The following COL6A6 variants were observed in gnomAD, a reference collection of about 807,000 sequenced individuals.
COL6A6 encodes the protein collagen type VI alpha 6 chain, also known as collagen alpha-6(VI) chain.
A neutral mutation model predicts 208.6 loss-of-function variants in COL6A6; 183 were observed. That is an observed-to-expected ratio of 0.88 (90% CI 0.78 to 0.99). The LOEUF (loss-of-function observed/expected upper bound fraction) is 0.99. Ranked by LOEUF, COL6A6 falls within the 50% of genes least tolerant of loss-of-function variation. The pLI, the probability that COL6A6 is intolerant of heterozygous loss-of-function variation, is 0.00. For synonymous variants in COL6A6, 973 were observed against 1,011.8 expected, an observed-to-expected ratio of 0.96 and a Z score of 0.73; for missense variants, 2,816 against 2,815.2, an observed-to-expected ratio of 1.00 and a Z score of -0.01.
chr3:130,582,151 C>A, intron 10 of COL6A6, 83 bp downstream of exon 10: 5 of 879,814 alleles, frequency 5.7e-6, no homozygotes, highest in Non-Finnish European at 8.7e-6. Flanking sequence ...AATTTCCAGG[C>A]TCTTAAATTT....
chr3:130,556,333 T>C (rs931933347), intron 1 of COL6A6, among the ~76,000 whole-genome samples: 2 of 152,228 alleles, frequency 1.3e-5, no homozygotes, highest in African/African-American at 2.4e-5. Context: ...TTGATTTATA[T>C]ATCAGGATTA....
chr3:130,651,632 T>G (rs534341527), intron 33 of COL6A6, among the ~76,000 whole-genome samples: 2 of 152,038 alleles, frequency 1.3e-5, no homozygotes, highest in Non-Finnish European at 2.9e-5. Context: ...GGAAATGCAA[T>G]AAAGTAGAAA....
intron 35 of COL6A6, among the ~76,000 whole-genome samples, chr3:130,663,909 C>T (rs893161377): frequency 6.6e-6 from 1 of 152,194 alleles, no homozygotes; most frequent in Non-Finnish European, 1.5e-5. Flanking sequence ...TCAAGAAAGA[C>T]TTTGCATAAT....
At position 130,673,199 on chromosome 3, in the gene COL6A6, C is replaced by CA. The variant is rs1204610705; in HGVS notation, c.6597-1995dup. The stretch of plus-strand genomic sequence containing the variant: ...ATCTCAAAAAAAAAAAACAAAAAAA[C>CA]AAAAAAAACAAAAAAAACAAAAAAA... On this transcript the variant is annotated intron_variant, in intron 36 of 36. Coordinates refer to ENST00000358511, the MANE Select transcript of COL6A6 (RefSeq NM_001102608.3). 6.6e-4 allele frequency among the ~76,000 whole-genome samples: 60 copies of CA among 90,348 alleles called. 1 individual carries two copies. Among genetic ancestry groups the CA allele is most frequent in the African/African-American group, 2.3e-3 (35 of 15,408 alleles). 59.3% of individuals were successfully genotyped at this position (90,348 alleles called of 152,430 possible). A position where few individuals can be genotyped will look rare whatever the true frequency, so the allele number is the denominator to read the frequency against.
chr3:130,524,638 CTTTA>C (rs948792012), intron 1 of COL6A6, among the ~76,000 whole-genome samples: 2 of 152,112 alleles, frequency 1.3e-5, no homozygotes, highest in Admixed American at 6.5e-5. Flanking sequence ...GCATGAAGGA[CTTTA>C]TTTATCTGTT....
chr3:130,611,520 C>T (rs1470456713), intron 23 of COL6A6, among the ~76,000 whole-genome samples: 1 of 152,222 alleles, frequency 6.6e-6, no homozygotes, highest in East Asian at 1.9e-4. Flanking sequence ...TTATTACACT[C>T]TATCCCTAGA....
intron 1 of COL6A6, among the ~76,000 whole-genome samples, chr3:130,543,236 T>A (rs1360929071): frequency 6.6e-6 from 1 of 152,182 alleles, no homozygotes. Context: ...GGCTTCATAT[T>A]TAAAGTGGGC....
At chr3:130,517,916 A>G (rs2107650443) in intron 1 of COL6A6, among the ~76,000 whole-genome samples, 1 of 152,334 alleles carries the variant, frequency 6.6e-6, no homozygotes, top group Non-Finnish European at 1.5e-5. Flanking sequence ...CTGCTGTCTG[A>G]GGGGAGGAAG....
intron 21 of COL6A6, among the ~76,000 whole-genome samples, 173 bp downstream of exon 21, chr3:130,607,139 G>A (rs903898872): frequency 3.9e-5 from 6 of 152,186 alleles, no homozygotes; most frequent in African/African-American, 1.2e-4. Context: ...TTAAAATGAT[G>A]TGGGAACTTT....
At chr3:130,617,936 C>T (rs1383049678) in intron 23 of COL6A6, among the ~76,000 whole-genome samples, 1 of 152,160 alleles carries the variant, frequency 6.6e-6, no homozygotes, top group Non-Finnish European at 1.5e-5. Context: ...TTCAAATAAT[C>T]GTTAACCTCT....
chr3:130,643,062 C>T (rs766743823), intron 31 of COL6A6, 39 bp downstream of exon 31: 10 of 1,601,906 alleles, frequency 6.2e-6, no homozygotes, highest in South Asian at 2.2e-5. Flanking sequence ...AAGTTGTCAG[C>T]ATTCATACAA....
At chr3:130,595,480 C>T (rs1423405110) in intron 18 of COL6A6, among the ~76,000 whole-genome samples, 1 of 152,214 alleles carries the variant, frequency 6.6e-6, no homozygotes, top group Non-Finnish European at 1.5e-5. Flanking sequence ...AGCCACTACT[C>T]ACCTTCCCCC....
At chr3:130,590,332 T>G in intron 12 of COL6A6, among the ~76,000 whole-genome samples, 1 of 113,230 alleles carries the variant, frequency 8.8e-6, no homozygotes, top group African/African-American at 3.3e-5. Flanking sequence ...TTTTTTTTAC[T>G]ATAAGTTCTA....
rs550461753 is a variant in COL6A6, at chr3:130,657,178, G to A, written c.5734-1498G>A. 8.7e-4 allele frequency among the ~76,000 whole-genome samples: 132 copies of A among 152,348 alleles called. 1 individual carries two copies. Among genetic ancestry groups the A allele is most frequent in the Middle Eastern group, 3.4e-3 (1 of 294 alleles). ...CTCTTACCCTGCCAACTCAGAAGCG[G>A]GTGGGGCTTCCACCTGTTCCCAGCT... On this transcript the variant is annotated intron_variant, in intron 33 of 36. Coordinates refer to ENST00000358511, the MANE Select transcript of COL6A6 (RefSeq NM_001102608.3).
chr3:130,622,461 TC>T (rs1325406346), intron 24 of COL6A6, among the ~76,000 whole-genome samples: 1 of 152,126 alleles, frequency 6.6e-6, no homozygotes, highest in Non-Finnish European at 1.5e-5. Flanking sequence ...AAGAATATTT[TC>T]ATAACAATCT....
chr3:130,649,274 C>T lies in COL6A6; in HGVS notation c.5445C>T (p.Phe1815=), dbSNP rs2065555907. The change falls in exon 33 of 37, where the codon TTC becomes TTT. Residue 1815 remains phenylalanine (F), a synonymous_variant. Transcript: ENST00000358511. The part of the protein sequence containing the change: ...YNSHARHLVR[F]SDAYKKSQLL... ...CCCACGCCAGGCACCTTGTGCGCTTCTCAGACGCCTACAAGAAGAGTCAAC... is the reference window on the plus strand; with the variant it reads ...CCCACGCCAGGCACCTTGTGCGCTTTTCAGACGCCTACAAGAAGAGTCAAC... The T allele has an allele frequency of 6.2e-7, 1 of 1,602,618 alleles. No individual in the cohort carries two copies. The highest frequency in any genetic ancestry group is 8.5e-7 in the Non-Finnish European group (1 of 1,174,724).
rs2107902481 is a variant in COL6A6 at position 130,567,202 on chromosome 3, G to A, written c.1783G>A (p.Asp595Asn). Reference sequence around the variant, plus strand: ...GGAAAAGAGAGTGTATTACGTGCATGACTTTGATGCATTGAAAGACATAAG... The same window carrying A: ...GGAAAAGAGAGTGTATTACGTGCATAACTTTGATGCATTGAAAGACATAAG... ...GEEKRVYYVHDFDALKDIRNQ... is the reference protein window; with the variant it reads ...GEEKRVYYVHNFDALKDIRNQ... Residue 595 changes from aspartate (D) to asparagine (N), a missense_variant, in exon 5 of 37, where the codon GAC becomes AAC. Coordinates refer to ENST00000358511, the MANE Select transcript of COL6A6 (RefSeq NM_001102608.3). 2 of 1,613,318 alleles carry A rather than the reference G, an allele frequency of 1.2e-6. No homozygotes were observed. The highest frequency in any genetic ancestry group is 1.7e-6 in the Non-Finnish European group (2 of 1,179,858).
Position 130,566,898 on chromosome 3 carries a change from C to T in COL6A6, c.1479C>T (p.Tyr493=), listed in dbSNP as rs374174918. The change falls in exon 5 of 37, where the codon TAC becomes TAT. Residue 493 remains tyrosine (Y), a synonymous_variant. Coordinates refer to ENST00000358511, the MANE Select transcript of COL6A6 (RefSeq NM_001102608.3). ...SWDLEFEINK[Y]SNKQDLGKAI... is the part of the protein sequence containing the mutation. ...ACTTGGAATTTGAGATCAATAAATACTCCAACAAGCAGGATTTGGGAAAGG... is the reference window on the plus strand; with the variant it reads ...ACTTGGAATTTGAGATCAATAAATATTCCAACAAGCAGGATTTGGGAAAGG... The T allele has an allele frequency of 4.5e-4, 728 of 1,613,826 alleles. No individual in the cohort carries two copies. The highest frequency in any genetic ancestry group is 5.7e-4 in the Non-Finnish European group (669 of 1,179,866).
intron 23 of COL6A6, among the ~76,000 whole-genome samples, chr3:130,612,180 ATGT>A (rs1167196892): frequency 6.6e-6 from 1 of 151,988 alleles, no homozygotes; most frequent in Non-Finnish European, 1.5e-5. Context: ...GTCCATTCTA[ATGT>A]TGTTGGGCAT....
Sources: allele counts gnomAD v4.1 joint callset (sites outside exome capture counted in the v4.1 genomes callset), GRCh38; gene constraint gnomAD v4.1.1; transcripts MANE v1.5; gene names NCBI Gene and HGNC (gene_info 2026-07-23, HGNC 2026-07-21).